The following BMPR2 variants were observed in gnomAD, a reference collection of about 807,000 sequenced individuals.
The protein encoded by BMPR2 is bone morphogenetic protein receptor type-2.
In BMPR2, 29 loss-of-function variants were observed where a neutral mutation model predicts 100.8. The observed-to-expected ratio is 0.29, with a 90% CI of 0.21 to 0.39. The LOEUF is 0.39. BMPR2 is among the 10% of genes least tolerant of loss of function. BMPR2 has a pLI of 1.00. For synonymous variants in BMPR2, 382 were observed against 442.3 expected (o/e 0.86, Z 1.71); for missense variants, 1,011 against 1,274.5 (o/e 0.79, Z 3.15).
At chr2:202,531,271 C>T (rs912451718) in intron 8 of BMPR2, among the ~76,000 whole-genome samples, 2 of 152,208 alleles carry the variant, frequency 1.3e-5, no homozygotes, top group Non-Finnish European at 2.9e-5. Flanking sequence ...CCACTGCACT[C>T]CATCCTGGGT....
At chr2:202,478,125 A>G (rs1461467760) in intron 3 of BMPR2, among the ~76,000 whole-genome samples, 1 of 152,198 alleles carries the variant, frequency 6.6e-6, no homozygotes, top group Non-Finnish European at 1.5e-5. Flanking sequence ...GTAAACAAGT[A>G]TCTTTTTCAG....
At chr2:202,431,644 T>C (rs2105931468) in intron 1 of BMPR2, among the ~76,000 whole-genome samples, 1 of 150,590 alleles carries the variant, frequency 6.6e-6, no homozygotes, top group Admixed American at 6.6e-5. Context: ...CTTAACATTG[T>C]GTTATGTTAG....
intron 3 of BMPR2, among the ~76,000 whole-genome samples, chr2:202,480,127 TTTTTCTTTTTC>T (rs1039844222): frequency 6.6e-6 from 1 of 150,626 alleles, no homozygotes; most frequent in Non-Finnish European, 1.5e-5. Context: ...AACCATTTTC[TTTTTCTTTTTC>T]TTTTTTTTCT....
rs866282539 is a variant in BMPR2 at position 202,484,883 on chromosome 2, G to T, written c.418+17194G>T. Among the ~76,000 whole-genome samples the T allele has an allele frequency of 4.0e-5, 6 of 149,174 alleles. No homozygotes were observed. In the Admixed American group the frequency reaches 4.1e-4, roughly 10 times the overall value. On this transcript the variant is annotated intron_variant, in intron 3 of 12. Coordinates refer to ENST00000374580, the MANE Select transcript of BMPR2 (RefSeq NM_001204.7). ...ACTCGGGAGGCTGAGGCAGAAGAAC[G>T]GCATGAACCTGGGAGGTGGAGCTTG...
chr2:202,441,972 G>A (rs1691756843), intron 1 of BMPR2, among the ~76,000 whole-genome samples: 1 of 149,804 alleles, frequency 6.7e-6, no homozygotes, highest in Non-Finnish European at 1.5e-5. Context: ...GGCGGAGGTT[G>A]CAGTGAGCCG....
rs536635010 is a variant in BMPR2 at position 202,401,990 on chromosome 2, G to A, written c.76+24440G>A. On this transcript the variant is annotated intron_variant, in intron 1 of 12. Transcript: ENST00000374580. ...CTCTATTGTTAGTACAATTTTGCTCGTGGGTCCTCTGTCTTTTAGGGGAAG... is the reference window on the plus strand; with the variant it reads ...CTCTATTGTTAGTACAATTTTGCTCATGGGTCCTCTGTCTTTTAGGGGAAG... 2.6e-5 allele frequency among the ~76,000 whole-genome samples: 4 copies of A among 152,342 alleles called. No individual in the cohort carries two copies. In the South Asian group the frequency reaches 8.3e-4, roughly 32 times the overall value.
chr2:202,438,543 A>G (rs1691663585), intron 1 of BMPR2, among the ~76,000 whole-genome samples: 1 of 122,344 alleles, frequency 8.2e-6, no homozygotes. Flanking sequence ...ATCCAGGATC[A>G]TAAAGGATCT....
At chr2:202,405,320 T>C (rs1321479246) in intron 1 of BMPR2, among the ~76,000 whole-genome samples, 1 of 151,948 alleles carries the variant, frequency 6.6e-6, no homozygotes, top group Non-Finnish European at 1.5e-5. Flanking sequence ...CAGGAAAAGG[T>C]TGATTGTTGG....
chr2:202,548,171 T>C (rs569940920), intron 10 of BMPR2, among the ~76,000 whole-genome samples: 1 of 152,312 alleles, frequency 6.6e-6, no homozygotes, highest in South Asian at 2.1e-4. Flanking sequence ...CAGAAGAAAC[T>C]ACCAGTTCTT....
intron 9 of BMPR2, among the ~76,000 whole-genome samples, chr2:202,536,472 T>TACAGGTTA (rs753727867): frequency 6.6e-6 from 1 of 152,204 alleles, no homozygotes; most frequent in Non-Finnish European, 1.5e-5. Flanking sequence ...GTAGATTAAG[T>TACAGGTTA]ACAGGTTAAT....
chr2:202,379,193 A>G (rs922978501), intron 1 of BMPR2, among the ~76,000 whole-genome samples: 1 of 152,224 alleles, frequency 6.6e-6, no homozygotes, highest in Non-Finnish European at 1.5e-5. Context: ...TGTAACAGTA[A>G]TGATAATAGC....
chr2:202,521,891 A>G (rs1325742843), intron 7 of BMPR2, among the ~76,000 whole-genome samples: 6 of 152,220 alleles, frequency 3.9e-5, no homozygotes, highest in South Asian at 2.1e-4. Context: ...ATGGTGACTC[A>G]TGGCTGTAAT....
chr2:202,421,508 T>C (rs1207417849), intron 1 of BMPR2, among the ~76,000 whole-genome samples: 11 of 147,062 alleles, frequency 7.5e-5, no homozygotes, highest in Non-Finnish European at 1.2e-4. Flanking sequence ...CAAGACTGAA[T>C]GGTGCTTGGC....
intron 3 of BMPR2, among the ~76,000 whole-genome samples, chr2:202,484,861 C>T (rs1398048965): frequency 5.7e-5 from 7 of 123,012 alleles, no homozygotes; most frequent in Admixed American, 5.4e-4. Context: ...CCCAGCTACT[C>T]GGGAGGCTGA....
At chr2:202,406,485 A>G (rs894206642) in intron 1 of BMPR2, among the ~76,000 whole-genome samples, 1 of 152,216 alleles carries the variant, frequency 6.6e-6, no homozygotes, top group Non-Finnish European at 1.5e-5. Flanking sequence ...ATTGTTTAAT[A>G]GGAATTTAAG....
rs1690166169 is a variant in BMPR2, at chr2:202,377,170, T to C, written c.-305T>C. 1 of 590,312 alleles carries C rather than the reference T, an allele frequency of 1.7e-6. No individual in the cohort carries two copies. The allele number at this position is 590,312 out of a possible 1,614,324, so 36.6% of individuals were successfully genotyped here. A position where few individuals can be genotyped will look rare whatever the true frequency, so the allele number is the denominator to read the frequency against. On this transcript the variant is annotated 5_prime_UTR_variant, in exon 1 of 13. Coordinates refer to ENST00000374580, the MANE Select transcript of BMPR2 (RefSeq NM_001204.7). ...ATCGTGAAACTACGAGGGAAATAAT[T>C]TGGGGGATTTCTTCTTGGCTCCCTG...
chr2:202,509,913 G>A (rs948609048), intron 3 of BMPR2, among the ~76,000 whole-genome samples: 2 of 151,952 alleles, frequency 1.3e-5, no homozygotes, highest in African/African-American at 4.8e-5. Flanking sequence ...TCCAGAGACA[G>A]TTTTATCTGT....
chr2:202,527,521 C>T (rs935729130), intron 7 of BMPR2, among the ~76,000 whole-genome samples: 5 of 148,166 alleles, frequency 3.4e-5, no homozygotes, highest in Non-Finnish European at 7.4e-5. Context: ...CGCGGTGGCT[C>T]ACGCCTGTAA....
rs533988739 is a variant in BMPR2, at chr2:202,396,760, T to C, written c.76+19210T>C. On this transcript the variant is annotated intron_variant, in intron 1 of 12. Coordinates refer to ENST00000374580, the MANE Select transcript of BMPR2 (RefSeq NM_001204.7). ...ATACAGCAACAATGTATTTCATTGA[T>C]GTGAATGCCTTAGAGTTATCTTGAG... Among the ~76,000 whole-genome samples, 170 of 151,888 alleles carry C rather than the reference T, an allele frequency of 1.1e-3. 2 individuals carry two copies. The Middle Eastern group carries it at 0.027, about 24-fold the overall frequency.
Sources: allele counts gnomAD v4.1 joint callset (sites outside exome capture counted in the v4.1 genomes callset), GRCh38; gene constraint gnomAD v4.1.1; transcripts MANE v1.5; gene names NCBI Gene and HGNC (gene_info 2026-07-23, HGNC 2026-07-21).